FOXN4: variants seen among roughly 807,000 people sequenced by gnomAD.
FOXN4 encodes forkhead box protein N4.
In FOXN4, 12 loss-of-function variants were observed where a neutral mutation model predicts 45.0. The observed-to-expected ratio is 0.27, with a 90% CI of 0.17 to 0.43. The LOEUF (loss-of-function observed/expected upper bound fraction) is 0.43. Ranked by LOEUF, FOXN4 falls within the 20% of genes least tolerant of loss-of-function variation. FOXN4 has a pLI of 1.00. For missense variants in FOXN4, 560 were observed against 694.9 expected (o/e 0.81, Z 2.18); for synonymous variants, 297 against 295.0 (o/e 1.01, Z -0.07).
chr12:109,293,551 G>A (rs542396403), intron 2 of FOXN4, among the ~76,000 whole-genome samples: 1 of 152,346 alleles, frequency 6.6e-6, no homozygotes, highest in African/African-American at 2.4e-5. Flanking sequence ...AGGCTAGAAT[G>A]TAGTGGCACG....
chr12:109,282,272 T>G (rs2047660204), intron 8 of FOXN4, among the ~76,000 whole-genome samples: 1 of 152,040 alleles, frequency 6.6e-6, no homozygotes, highest in Non-Finnish European at 1.5e-5. Flanking sequence ...CATAGTGAGC[T>G]ACCATCTCTA....
intron 2 of FOXN4, among the ~76,000 whole-genome samples, chr12:109,302,212 C>T (rs553710036): frequency 6.6e-6 from 1 of 152,190 alleles, no homozygotes; most frequent in Non-Finnish European, 1.5e-5. Flanking sequence ...ATTTGTCCCC[C>T]CAATGTGAAC....
At position 109,288,305 on chromosome 12, in the gene FOXN4, T is replaced by C. The variant is rs2047735263; in HGVS notation, c.233-125A>G. The C allele has an allele frequency of 2.2e-6, 3 of 1,343,874 alleles. No homozygotes were observed. The highest frequency in any genetic ancestry group is 3.0e-6 in the Non-Finnish European group (3 of 1,006,742). 83.2% of individuals were successfully genotyped at this position (1,343,874 alleles called of 1,614,324 possible). ...CCCTTTCCTCGGACCAGGCACATAG[T>C]AGGTGCTTGGCAAATCACTTCCCTG... On this transcript the variant is annotated intron_variant, in intron 3 of 9. Coordinates refer to ENST00000299162, the MANE Select transcript of FOXN4 (RefSeq NM_213596.3). The surrounding 1 kb of genome is among the most constrained non-coding windows in gnomAD (Gnocchi z 4.3).
rs80098342 is a variant in FOXN4 at position 109,294,955 on chromosome 12, G to A, written c.87-4669C>T. Among the ~76,000 whole-genome samples, 306 of 152,288 alleles carry A rather than the reference G, an allele frequency of 2.0e-3. 7 individuals carry two copies. In the East Asian group the frequency reaches 0.057, roughly 29 times the overall value. Reference sequence around the variant, plus strand: ...GATGTTGTAAACTACAGGGCTCACAGCAGCTGTAACTCAGGAAAGACTCCT... The same window carrying A: ...GATGTTGTAAACTACAGGGCTCACAACAGCTGTAACTCAGGAAAGACTCCT... On this transcript the variant is annotated intron_variant, in intron 2 of 9. Coordinates refer to ENST00000299162, the MANE Select transcript of FOXN4 (RefSeq NM_213596.3).
At chr12:109,293,954 A>G (rs1318669434) in intron 2 of FOXN4, among the ~76,000 whole-genome samples, 5 of 152,210 alleles carry the variant, frequency 3.3e-5, no homozygotes, top group Non-Finnish European at 7.3e-5. Flanking sequence ...CAGAGGGGGA[A>G]GCTGAGGCCA....
chr12:109,303,696 G>A (rs114284731), intron 2 of FOXN4, among the ~76,000 whole-genome samples: 2,032 of 152,266 alleles, frequency 0.013, 46 homozygotes, highest in African/African-American at 0.046. Context: ...CCAGAAGCCT[G>A]CCTTCCGTCA....
intron 2 of FOXN4, among the ~76,000 whole-genome samples, chr12:109,292,980 TC>T (rs998544036): frequency 2.0e-5 from 3 of 151,974 alleles, no homozygotes; most frequent in Admixed American, 2.0e-4. Context: ...CCCCTCTGGC[TC>T]CCCCTTCCTG....
At chr12:109,286,346 A>G (rs1028890785) in intron 7 of FOXN4, among the ~76,000 whole-genome samples, 1 of 152,170 alleles carries the variant, frequency 6.6e-6, no homozygotes. Context: ...GCTTTTGCCA[A>G]TTCTGTTGTT....
In FOXN4 at chr12:109,279,689, C is replaced by G; in HGVS notation, c.1536G>C (p.Lys512Asn). 6.4e-7 allele frequency: 1 copy of G among 1,573,910 alleles called. No homozygotes were observed. Among genetic ancestry groups the G allele is most frequent in the Non-Finnish European group, 8.6e-7 (1 of 1,160,282 alleles). Residue 512 changes from lysine to asparagine, a missense_variant, in exon 10 of 10, where the codon AAG becomes AAC. Lys to Asn is a moderately conservative substitution (Grantham distance 94, BLOSUM62 0). Coordinates refer to ENST00000299162, the MANE Select transcript of FOXN4 (RefSeq NM_213596.3). ...SSQYLGAQGN[K>N]PIALL The stretch of plus-strand genomic sequence containing the variant: ...TGACAGCTCAAAGCAGGGCTATAGG[C>G]TTGTTCCCCTGTGCACCCAGGTACT...
At chr12:109,294,040 A>C (rs987816750) in intron 2 of FOXN4, among the ~76,000 whole-genome samples, 3 of 152,194 alleles carry the variant, frequency 2.0e-5, no homozygotes, top group Non-Finnish European at 4.4e-5. Context: ...TGCCTCCCTC[A>C]GGTGGTTCCT....
At chr12:109,286,498 G>C in intron 7 of FOXN4, 150 bp downstream of exon 7, 1 of 716,520 alleles carries the variant, frequency 1.4e-6, no homozygotes, top group Non-Finnish European at 2.3e-6. Flanking sequence ...ACTTTCTTCT[G>C]TGTGAGTGTG....
intron 2 of FOXN4, among the ~76,000 whole-genome samples, chr12:109,304,231 GAAAGAA>G (rs1192727353): frequency 3.0e-5 from 1 of 33,332 alleles, no homozygotes; most frequent in African/African-American, 1.4e-4. Flanking sequence ...GAGAAAGAAA[GAAAGAA>G]AGAAAGAAAG....
At chr12:109,308,110 C>G in intron 2 of FOXN4, 126 bp downstream of exon 2, 1 of 804,630 alleles carries the variant, frequency 1.2e-6, no homozygotes, top group Non-Finnish European at 1.9e-6. Context: ...GACTTTCCAG[C>G]TCTCCCGCAA....
In FOXN4 at chr12:109,279,436, C is replaced by T. The variant is rs1310647513; in HGVS notation, c.*235G>A. Reference sequence around the variant, plus strand: ...TGCTGGGTTGCTTGTCCACCTTCCTCCATTCTTCTGACTTGGAAGAGCCCC... The same window carrying T: ...TGCTGGGTTGCTTGTCCACCTTCCTTCATTCTTCTGACTTGGAAGAGCCCC... On this transcript the variant is annotated 3_prime_UTR_variant, in exon 10 of 10. Transcript: ENST00000299162. 34 of 610,380 alleles carry T rather than the reference C, an allele frequency of 5.6e-5. 1 individual carries two copies. In the East Asian group the frequency reaches 9.8e-4, roughly 18 times the overall value. The allele number at this position is 610,380 out of a possible 1,614,324, so 37.8% of individuals were successfully genotyped here.
intron 2 of FOXN4, among the ~76,000 whole-genome samples, chr12:109,304,221 G>A (rs371316480): frequency 1.2e-5 from 1 of 82,480 alleles, no homozygotes; most frequent in East Asian, 3.6e-4. Context: ...AGAAAAGAAA[G>A]AGAAAGAAAG....
At position 109,279,823 on chromosome 12, in the gene FOXN4, C is replaced by A. The variant is rs764633302; in HGVS notation, c.1402G>T (p.Ala468Ser). 1.2e-6 allele frequency: 2 copies of A among 1,613,208 alleles called. No homozygotes were observed. The highest frequency in any genetic ancestry group is 1.7e-5 in the Admixed American group (1 of 59,868). The change falls in exon 10 of 10, where the codon GCC (alanine) becomes TCC (serine). Residue 468 changes from alanine (A) to serine (S), a missense_variant. By Grantham distance (99) the Ala-to-Ser change is moderately conservative. Around this residue, in one of 5 missense-constraint regions of FOXN4, gnomAD observed 315 missense variants for 350.5 expected, o/e 0.90. Coordinates refer to ENST00000299162, the MANE Select transcript of FOXN4 (RefSeq NM_213596.3). ...AAGGACTGGTCGCTGCCACCCGAGG[C>A]AGGGGTTAGGCCTGAGGCCCCCAGG... is the stretch of plus-strand genomic sequence containing the variant. ...CDLGASGLTP[A>S]SGGSDQSFPD... is the part of the protein sequence containing the mutation.
chr12:109,307,937 CA>C (rs1387233095), intron 2 of FOXN4, among the ~76,000 whole-genome samples: 1 of 152,086 alleles, frequency 6.6e-6, no homozygotes, highest in Non-Finnish European at 1.5e-5. Flanking sequence ...GGAGGGGAAG[CA>C]GTAGCTGCTA....
intron 2 of FOXN4, among the ~76,000 whole-genome samples, chr12:109,299,317 A>G (rs1266709273): frequency 2.6e-5 from 4 of 152,094 alleles, no homozygotes; most frequent in Admixed American, 1.3e-4. Flanking sequence ...ACAGACACAC[A>G]CACGCACGCA....
intron 2 of FOXN4, among the ~76,000 whole-genome samples, chr12:109,307,821 G>C (rs940996958): frequency 3.9e-5 from 6 of 152,302 alleles, no homozygotes; most frequent in African/African-American, 1.4e-4. Flanking sequence ...TAGCATATCT[G>C]ACTACTTTCT....
Sources: allele counts gnomAD v4.1 joint callset (sites outside exome capture counted in the v4.1 genomes callset), GRCh38; gene constraint gnomAD v4.1.1; regional missense constraint gnomAD v4.1.1; non-coding constraint Gnocchi (gnomAD v3.1); transcripts MANE v1.5; gene names NCBI Gene and HGNC (gene_info 2026-07-23, HGNC 2026-07-21).